TUBB8B: variants seen among roughly 807,000 people sequenced by gnomAD.
TUBB8B encodes tubulin beta 8B.
Under a neutral mutation model 31.9 loss-of-function variants are expected in TUBB8B, and 26 were observed. That is an observed-to-expected ratio of 0.81 (90% confidence interval 0.60 to 1.13). The LOEUF (loss-of-function observed/expected upper bound fraction) is 1.13. Ranked by LOEUF, TUBB8B falls within the 50% of genes most tolerant of loss-of-function variation. TUBB8B has a pLI of 0.00. For missense variants in TUBB8B, 467 were observed against 586.7 expected (o/e 0.80, Z 2.11); for synonymous variants, 173 against 231.0 (o/e 0.75, Z 2.28).
chr18:66,623 G>C, the TUBB8B span, among the ~76,000 whole-genome samples: 2 of 152,154 alleles, frequency 1.3e-5, no homozygotes, highest in Non-Finnish European at 2.9e-5. Flanking sequence ...CAGTTCTATT[G>C]ATTTATTCAA....
the TUBB8B span, among the ~76,000 whole-genome samples, chr18:64,667 A>G: frequency 2.0e-5 from 3 of 152,216 alleles, no homozygotes; most frequent in East Asian, 5.8e-4. Context: ...GGAGGTTGCT[A>G]TAAGCCAAGA....
At chr18:62,519 C>T in the TUBB8B span, among the ~76,000 whole-genome samples, 16 of 150,836 alleles carry the variant, frequency 1.1e-4, no homozygotes, top group South Asian at 1.0e-3. Context: ...CTTGGGTTCA[C>T]GCCATTCTCC....
At chr18:70,403 C>T in the TUBB8B span, among the ~76,000 whole-genome samples, 8 of 152,182 alleles carry the variant, frequency 5.3e-5, no homozygotes, top group South Asian at 1.2e-3. Context: ...GAGGACAAGG[C>T]GGGCAGATCA....
chr18:48,154 G>C lies in TUBB8B; in HGVS notation c.571C>G (p.Gln191Glu). ...GTCTCATCCGCGTTTTCTATGAGCTGGTGGACTGAGAGGGTGGCGTTGTAG... is the reference window on the plus strand; with the variant it reads ...GTCTCATCCGCGTTTTCTATGAGCTCGTGGACTGAGAGGGTGGCGTTGTAG... Reference protein sequence around the residue: ...EPYNATLSVHQLIENADETFC... With the variant: ...EPYNATLSVHELIENADETFC... The change falls in exon 4 of 4, where the codon CAG (glutamine) becomes GAG (glutamate). Residue 191 changes from glutamine to glutamate, a missense_variant. Transcript: ENST00000308911. 1 of 1,614,034 alleles carries C rather than the reference G, an allele frequency of 6.2e-7. No homozygotes were observed. Among genetic ancestry groups the C allele is most frequent in the Non-Finnish European group, 8.5e-7 (1 of 1,179,852 alleles).
At chr18:52,078 C>T (rs374080579), upstream of TUBB8B, among the ~76,000 whole-genome samples, 1 of 151,820 alleles carries the variant, frequency 6.6e-6, no homozygotes, top group Admixed American at 6.6e-5. Context: ...TCCACTGCTG[C>T]CCTTTAGCTT....
chr18:56,174 T>C, the TUBB8B span, among the ~76,000 whole-genome samples: 1 of 151,850 alleles, frequency 6.6e-6, no homozygotes, highest in Non-Finnish European at 1.5e-5. Flanking sequence ...CTCTATTTCA[T>C]TCCATTTGTC....
At chr18:54,295 T>C (rs768338471), upstream of TUBB8B, among the ~76,000 whole-genome samples, 3 of 151,770 alleles carry the variant, frequency 2.0e-5, no homozygotes, top group Non-Finnish European at 4.4e-5. Context: ...TGGGGGTACA[T>C]GACATACTTT....
upstream of TUBB8B, among the ~76,000 whole-genome samples, chr18:51,812 G>A (rs1323980920): frequency 1.3e-5 from 2 of 151,930 alleles, no homozygotes; most frequent in Non-Finnish European, 1.5e-5. Flanking sequence ...CTTCTGCCAT[G>A]AGTGTGAGGC....
chr18:67,997 C>T, the TUBB8B span, among the ~76,000 whole-genome samples: 11 of 152,284 alleles, frequency 7.2e-5, no homozygotes, highest in East Asian at 1.9e-3. Context: ...CTAAGACTCA[C>T]GTGACACCCT....
At chr18:59,159 T>C in the TUBB8B span, among the ~76,000 whole-genome samples, 3 of 151,828 alleles carry the variant, frequency 2.0e-5, no homozygotes, top group African/African-American at 7.2e-5. Context: ...GGGACACACA[T>C]TAAAACCCTA....
At chr18:51,522 C>T (rs1169215549), upstream of TUBB8B, among the ~76,000 whole-genome samples, 1 of 152,000 alleles carries the variant, frequency 6.6e-6, no homozygotes, top group East Asian at 1.9e-4. Flanking sequence ...TCACTGCAAC[C>T]TCTGATTCCC....
the TUBB8B span, among the ~76,000 whole-genome samples, chr18:65,259 C>T: frequency 1.3e-5 from 2 of 151,936 alleles, no homozygotes; most frequent in Admixed American, 1.3e-4. Context: ...TGAGATCATG[C>T]CATTGCACTC....
At chr18:49,809 C>T (rs1366650780), upstream of TUBB8B, 14 of 630,982 alleles carry the variant, frequency 2.2e-5, no homozygotes, top group Admixed American at 1.3e-4. Flanking sequence ...GAAAGCTGCT[C>T]AGCTGGAGAA....
chr18:57,555 G>A, the TUBB8B span, among the ~76,000 whole-genome samples: 11 of 151,932 alleles, frequency 7.2e-5, no homozygotes, highest in East Asian at 1.6e-3. Flanking sequence ...CTCATGGGCT[G>A]GTATTGCGTG....
the TUBB8B span, among the ~76,000 whole-genome samples, chr18:66,008 C>T: frequency 6.6e-6 from 1 of 152,120 alleles, no homozygotes; most frequent in South Asian, 2.1e-4. Context: ...GTGGGAAGAT[C>T]TTTTGAACCC....
At chr18:66,341 C>T in the TUBB8B span, among the ~76,000 whole-genome samples, 10,703 of 109,948 alleles carry the variant, frequency 0.097, no homozygotes, top group African/African-American at 0.2. Flanking sequence ...CACTTGAGAA[C>T]AGGAGTTTGA....
the TUBB8B span, among the ~76,000 whole-genome samples, chr18:63,829 C>T: frequency 2.1e-5 from 3 of 146,298 alleles, no homozygotes; most frequent in African/African-American, 7.9e-5. Flanking sequence ...CTAACCCTAA[C>T]CCCAACCCTT....
chr18:67,258 A>G, the TUBB8B span, among the ~76,000 whole-genome samples: 6 of 152,200 alleles, frequency 3.9e-5, no homozygotes, highest in South Asian at 4.1e-4. Context: ...GGCCTCCCAA[A>G]GTGCTGGGAT....
At chr18:70,805 G>A in the TUBB8B span, among the ~76,000 whole-genome samples, 284 of 151,950 alleles carry the variant, frequency 1.9e-3, 3 homozygotes, top group Admixed American at 5.5e-3. Context: ...TACAAAATTA[G>A]CCACATGCCT....
Sources: gnomAD v4.1 joint callset for allele counts (sites outside exome capture counted in the v4.1 genomes callset) on GRCh38, gnomAD v4.1.1 for gene constraint, MANE v1.5 for transcripts, NCBI Gene and HGNC (gene_info 2026-07-23, HGNC 2026-07-21) for gene names.